FAT3: variants seen among roughly 807,000 people sequenced by gnomAD.
FAT3 encodes FAT atypical cadherin 3.
Under a neutral mutation model 310.2 loss-of-function variants are expected in FAT3, and 95 were observed. That is an observed-to-expected ratio of 0.31 (90% confidence interval 0.26 to 0.36). The LOEUF is 0.36. FAT3 is among the 10% of genes least tolerant of loss of function. The probability of loss-of-function intolerance (pLI) is 1.00; values close to 1 mark genes in which losing one functional copy is unlikely to be tolerated. For missense variants in FAT3, 5,408 were observed against 5,715.6 expected (o/e 0.95, Z 1.74); for synonymous variants, 2,314 against 2,192.9 (o/e 1.06, Z -1.54).
chr11:92,872,166 T>A (rs1277976122), intron 22 of FAT3, among the ~76,000 whole-genome samples: 1 of 152,222 alleles, frequency 6.6e-6, no homozygotes, highest in Admixed American at 6.5e-5. Flanking sequence ...AGTAGCACTT[T>A]GGGGCCACTT....
chr11:92,513,284 A>G (rs1184993648), intron 2 of FAT3, among the ~76,000 whole-genome samples: 1 of 152,196 alleles, frequency 6.6e-6, no homozygotes, highest in East Asian at 1.9e-4. Flanking sequence ...CTATGAGGAT[A>G]AAATGCCCAT....
intron 13 of FAT3, among the ~76,000 whole-genome samples, chr11:92,816,412 G>C (rs1018326615): frequency 1.3e-5 from 2 of 152,196 alleles, no homozygotes; most frequent in African/African-American, 4.8e-5. Context: ...CATGCCAGCT[G>C]TCAGCTGCCT....
intron 22 of FAT3, among the ~76,000 whole-genome samples, chr11:92,876,426 A>G (rs1949537101): frequency 6.6e-6 from 1 of 152,202 alleles, no homozygotes; most frequent in African/African-American, 2.4e-5. Context: ...ACATAACTTC[A>G]AGCAAGCATA....
chr11:92,880,548 A>G (rs1949650056), intron 22 of FAT3, among the ~76,000 whole-genome samples, 183 bp from the exon 23 acceptor site: 1 of 151,928 alleles, frequency 6.6e-6, no homozygotes, highest in African/African-American at 2.4e-5. Flanking sequence ...AGGAAATCCC[A>G]ACTGTAACTT....
In FAT3 at chr11:92,790,204, A is replaced by C. The variant is rs978236495; in HGVS notation, c.4597A>C (p.Ile1533Leu). The part of the protein sequence containing the change: ...RLDHEAQDKH[I>L]LNIMVRDQEF... ...GGACCATGAGGCCCAGGACAAGCACATTCTCAACATAATGGTAGGACCAAA... is the reference window on the plus strand; with the variant it reads ...GGACCATGAGGCCCAGGACAAGCACCTTCTCAACATAATGGTAGGACCAAA... The change falls in exon 8 of 28, where the codon ATT becomes CTT. Residue 1533 changes from isoleucine (I) to leucine (L), a missense_variant. Coordinates refer to ENST00000525166, the MANE Select transcript of FAT3 (RefSeq NM_001367949.2). 1 of 1,613,496 alleles carries C rather than the reference A, an allele frequency of 6.2e-7. No homozygotes were observed. The highest frequency in any genetic ancestry group is 8.5e-7 in the Non-Finnish European group (1 of 1,179,626).
intron 1 of FAT3, among the ~76,000 whole-genome samples, 180 bp downstream of exon 1, chr11:92,225,354 C>G (rs1863859851): frequency 6.6e-6 from 1 of 152,264 alleles, no homozygotes; most frequent in African/African-American, 2.4e-5. Flanking sequence ...CTCCGCGCAG[C>G]CCCGAGCCGC....
intron 7 of FAT3, among the ~76,000 whole-genome samples, chr11:92,781,782 CA>C (rs1946760988): frequency 6.6e-6 from 1 of 151,726 alleles, no homozygotes; most frequent in Non-Finnish European, 1.5e-5. Context: ...TACGCTATTA[CA>C]AGAAGATTCT....
intron 13 of FAT3, among the ~76,000 whole-genome samples, chr11:92,818,805 C>A (rs1337999210): frequency 1.3e-5 from 2 of 152,188 alleles, no homozygotes; most frequent in Non-Finnish European, 2.9e-5. Context: ...ACTTGTAAGG[C>A]CACATTTTCC....
At chr11:92,762,974 A>C (rs564177504) in intron 5 of FAT3, among the ~76,000 whole-genome samples, 1 of 152,194 alleles carries the variant, frequency 6.6e-6, no homozygotes, top group African/African-American at 2.4e-5. Context: ...CCTGGCCAAC[A>C]TGGTAAAACC....
At chr11:92,848,155 C>T (rs1397382530) in intron 19 of FAT3, among the ~76,000 whole-genome samples, 1 of 152,204 alleles carries the variant, frequency 6.6e-6, no homozygotes, top group Non-Finnish European at 1.5e-5. Context: ...ACTTCCAGCT[C>T]ATCTTTTTCT....
chr11:92,837,884 T>G (rs1948446535), intron 17 of FAT3, 78 bp downstream of exon 17: 1 of 1,559,228 alleles, frequency 6.4e-7, no homozygotes, highest in South Asian at 1.1e-5. Context: ...CTCATTGTGG[T>G]TTATTGCTAC....
intron 2 of FAT3, among the ~76,000 whole-genome samples, chr11:92,479,152 T>G (rs1217676481): frequency 2.0e-5 from 3 of 150,198 alleles, no homozygotes; most frequent in Non-Finnish European, 4.4e-5. Flanking sequence ...CAGGTGTGTA[T>G]CACCACGGCC....
intron 6 of FAT3, among the ~76,000 whole-genome samples, chr11:92,765,935 T>A (rs958849506): frequency 1.3e-5 from 2 of 152,058 alleles, no homozygotes; most frequent in African/African-American, 4.8e-5. Context: ...AGCCCCTCTG[T>A]TTTGCAGCGG....
intron 1 of FAT3, among the ~76,000 whole-genome samples, chr11:92,259,818 T>C (rs1591019675): frequency 1.3e-5 from 2 of 152,280 alleles, no homozygotes; most frequent in African/African-American, 4.8e-5. Context: ...GGAGGGAACC[T>C]AAACAAAATC....
chr11:92,824,479 A>G (rs1948052968), intron 13 of FAT3, among the ~76,000 whole-genome samples: 1 of 152,218 alleles, frequency 6.6e-6, no homozygotes, highest in Non-Finnish European at 1.5e-5. Context: ...GACAAACTAT[A>G]ATGGAGAATA....
intron 1 of FAT3, among the ~76,000 whole-genome samples, chr11:92,250,725 C>T (rs1865102638): frequency 6.6e-6 from 1 of 152,204 alleles, no homozygotes; most frequent in Non-Finnish European, 1.5e-5. Flanking sequence ...AGGGACAGTG[C>T]TTTGAAAGAG....
intron 1 of FAT3, among the ~76,000 whole-genome samples, chr11:92,294,760 C>A (rs1321489108): frequency 6.7e-6 from 1 of 150,374 alleles, no homozygotes; most frequent in African/African-American, 2.4e-5. Flanking sequence ...CTCCATCCCT[C>A]TTTTTCTTTG....
intron 3 of FAT3, among the ~76,000 whole-genome samples, chr11:92,545,923 C>T (rs143777199): frequency 7.0e-4 from 107 of 152,292 alleles, no homozygotes; most frequent in African/African-American, 2.5e-3. Context: ...TTGAATGTGA[C>T]TGGGCATTTC....
intron 2 of FAT3, among the ~76,000 whole-genome samples, chr11:92,374,640 C>T (rs193091171): frequency 1.5e-3 from 227 of 152,268 alleles, no homozygotes; most frequent in African/African-American, 5.0e-3. Context: ...ATTTGTTAAG[C>T]ATAGAAGTAG....
Sources: allele counts gnomAD v4.1 joint callset (sites outside exome capture counted in the v4.1 genomes callset), GRCh38; gene constraint gnomAD v4.1.1; transcripts MANE v1.5; gene names NCBI Gene and HGNC (gene_info 2026-07-23, HGNC 2026-07-21).